The following NDST2 variants were observed in gnomAD, a reference collection of about 807,000 sequenced individuals.
NDST2 encodes N-deacetylase and N-sulfotransferase 2, also known as bifunctional heparan sulfate N-deacetylase/N-sulfotransferase 2.
In NDST2, 32 loss-of-function variants were observed where a neutral mutation model predicts 86.9. The ratio of observed to expected loss-of-function variants is 0.37; its 90% CI spans 0.28 to 0.49. The LOEUF is 0.49. Among genes scored for constraint, NDST2 ranks in the 20% least tolerant of loss-of-function variants. The pLI is 0.97. For synonymous variants in NDST2, 409 were observed against 437.0 expected, an observed-to-expected ratio of 0.94 and a Z score of 0.80; for missense variants, 950 against 1,146.9, an observed-to-expected ratio of 0.83 and a Z score of 2.48.
chr10:73,811,007 G>C (rs2084208472), intron 1 of NDST2, 104 bp from the exon 2 acceptor site: 1 of 396,264 alleles, frequency 2.5e-6, no homozygotes. Flanking sequence ...GTGTGTGCGG[G>C]AGATCTCTGA....
rs1030700076 is a variant in NDST2, at chr10:73,808,547, T to C, written c.-159A>G. 4.5e-6 allele frequency: 3 copies of C among 671,274 alleles called. No individual in the cohort carries two copies. The highest frequency in any genetic ancestry group is 7.3e-6 in the Non-Finnish European group (3 of 413,740). The allele number at this position is 671,274 out of a possible 1,614,324, so 41.6% of individuals were successfully genotyped here. On this transcript the variant is annotated 5_prime_UTR_variant, in exon 3 of 15. Transcript: ENST00000309979. The surrounding 1 kb of genome is among the most constrained non-coding windows in gnomAD (Gnocchi z 4.3). ...CTTTACGAGGTGGAGACGAGTCCCC[T>C]TAGCATAGGGTAGGGGAGGTAGAAG...
At chr10:73,803,424 G>C (rs2084039659) in intron 11 of NDST2, 65 bp from the exon 12 acceptor site, 1 of 1,592,326 alleles carries the variant, frequency 6.3e-7, no homozygotes, top group Admixed American at 1.7e-5. Context: ...CTTACGCTTG[G>C]TCTGGAGACA....
chr10:73,804,078 C>T (rs1318977932), intron 9 of NDST2, 62 bp from the exon 10 acceptor site: 1 of 1,497,830 alleles, frequency 6.7e-7, no homozygotes. Context: ...AGCTCAACAG[C>T]ATAAGCTTGA....
At position 73,803,274 on chromosome 10, in the gene NDST2, A is replaced by G; in HGVS notation, c.2228T>C (p.Leu743Pro). 1 of 1,614,200 alleles carries G rather than the reference A, an allele frequency of 6.2e-7. No homozygotes were observed. The highest frequency in any genetic ancestry group is 8.5e-7 in the Non-Finnish European group (1 of 1,180,014). Residue 743 changes from leucine (L) to proline (P), a missense_variant, in exon 12 of 15, where the codon CTA becomes CCA. Coordinates refer to ENST00000309979, the MANE Select transcript of NDST2 (RefSeq NM_003635.4). The stretch of plus-strand genomic sequence containing the variant: ...AAGACAGCGGTTCTGCAGGGAGCGT[A>G]GTGCCAGAGGGGTCTGGGAGGAGGC... Reference protein sequence around the residue: ...ISASSQTPLALRSLQNRCLVP... With the variant: ...ISASSQTPLAPRSLQNRCLVP...
chr10:73,807,513 G>T lies in NDST2; in HGVS notation c.876C>A (p.Ile292=). Reference sequence around the variant, plus strand: ...TGAGGTATGCAACAGCATCAACGAAGATAAGTTTGTGGAGCCAGAAGGAAA... The same window carrying T: ...TGAGGTATGCAACAGCATCAACGAATATAAGTTTGTGGAGCCAGAAGGAAA... ...HGLSFWLHKL[I]FVDAVAYLTG... The change falls in exon 3 of 15, where the codon ATC becomes ATA. Residue 292 remains isoleucine (I), a synonymous_variant. Coordinates refer to ENST00000309979, the MANE Select transcript of NDST2 (RefSeq NM_003635.4). 1 of 1,614,204 alleles carries T rather than the reference G, an allele frequency of 6.2e-7. No homozygotes were observed. Among genetic ancestry groups the T allele is most frequent in the Non-Finnish European group, 8.5e-7 (1 of 1,180,032 alleles).
rs755194639 is a variant in NDST2 at position 73,802,795 on chromosome 10, C to T, written c.2424-19G>A. The T allele has an allele frequency of 4.3e-5, 69 of 1,607,908 alleles. No homozygotes were observed. The highest frequency in any genetic ancestry group is 5.5e-5 in the Non-Finnish European group (65 of 1,174,588). ...ATCAAACCTGCTCAACAGGAAGAGG[C>T]CATGAGGTGGCAGGGAAAAGAGAAA... On this transcript the variant is annotated intron_variant, in intron 13 of 14. Coordinates refer to ENST00000309979, the MANE Select transcript of NDST2 (RefSeq NM_003635.4).
In NDST2 at chr10:73,805,767, G is replaced by C; in HGVS notation, c.1566C>G (p.Ile522Met). ...ELFLTVLLNP[I>M]SIFMTHLSNY... ...TGGACAGATGGGTCATAAAGATGCT[G>C]ATCTGTAAGGGGTACCTGCATGTCA... The change falls in exon 8 of 15, where the codon ATC becomes ATG. Residue 522 changes from isoleucine (I) to methionine (M), a missense_variant and splice_region_variant. By Grantham distance (10) the Ile-to-Met change is conservative. This residue lies in a region of NDST2 where 586 missense variants were observed against 714.0 expected (regional missense o/e 0.82). Transcript: ENST00000309979. 6.2e-7 allele frequency: 1 copy of C among 1,614,190 alleles called. No individual in the cohort carries two copies. The highest frequency in any genetic ancestry group is 1.1e-5 in the South Asian group (1 of 91,066).
At position 73,808,403 on chromosome 10, in the gene NDST2, G is replaced by A. The variant is rs1189465180; in HGVS notation, c.-15C>T. 6.4e-7 allele frequency: 1 copy of A among 1,574,566 alleles called. No homozygotes were observed. The highest frequency in any genetic ancestry group is 1.2e-5 in the South Asian group (1 of 85,532). On this transcript the variant is annotated 5_prime_UTR_variant, in exon 3 of 15. Transcript: ENST00000309979. This position sits in a 1 kb window ranked among gnomAD's most constrained non-coding sequence, Gnocchi z 4.3. ...AACTGGAGCATGGCGGGGGGAGGAA[G>A]GGAGGGAGGAATGGGGACCACCTCA...
At chr10:73,807,301 A>C (rs1392367890) in intron 3 of NDST2, 83 bp downstream of exon 3, 2 of 1,581,258 alleles carry the variant, frequency 1.3e-6, no homozygotes, top group East Asian at 4.5e-5. Context: ...TGTACCTATG[A>C]CAAGCTCAGA....
Position 73,805,900 on chromosome 10 carries a change from C to T in NDST2, c.1563G>A (p.Pro521=), listed in dbSNP as rs755039541. Residue 521 remains proline (P), a splice_region_variant and synonymous_variant, in exon 7 of 15, where the codon CCG becomes CCA. Coordinates refer to ENST00000309979, the MANE Select transcript of NDST2 (RefSeq NM_003635.4). The stretch of plus-strand genomic sequence containing the variant: ...CTAGCCGTTCCTCTCAGCACCTTAC[C>T]GGATTAAGCAGCACTGTCAGAAAGA... ...GELFLTVLLN[P]ISIFMTHLSN... is the part of the protein sequence containing the mutation. 11 of 1,614,064 alleles carry T rather than the reference C, an allele frequency of 6.8e-6. No individual in the cohort carries two copies. Among genetic ancestry groups the T allele is most frequent in the Non-Finnish European group, 9.3e-6 (11 of 1,180,038 alleles).
Position 73,803,587 on chromosome 10 carries a change from TA to T in NDST2, c.2128del (p.Tyr710ThrfsTer16). ...CTTCAGGCAGACCTGGTACCAGGAGTAGGCCCTGTCAGCAGGGTTGGTGAGC... is the reference window on the plus strand; with the variant it reads ...CTTCAGGCAGACCTGGTACCAGGAGTGGCCCTGTCAGCAGGGTTGGTGAGC... ...TVLTNPADRA[Y>X]SWYQHQRAHG... On this transcript the variant is annotated frameshift_variant, in exon 11 of 15. Coordinates refer to ENST00000309979, the MANE Select transcript of NDST2 (RefSeq NM_003635.4). LOFTEE classifies it high-confidence loss of function. 1 of 1,415,660 alleles carries T rather than the reference TA, an allele frequency of 7.1e-7. No individual in the cohort carries two copies. Among genetic ancestry groups the T allele is most frequent in the Non-Finnish European group, 9.4e-7 (1 of 1,060,148 alleles). 87.7% of individuals were successfully genotyped at this position (1,415,660 alleles called of 1,614,324 possible). A position where few individuals can be genotyped will look rare whatever the true frequency, so the allele number is the denominator to read the frequency against.
intron 9 of NDST2, 77 bp downstream of exon 9, chr10:73,804,696 G>A (rs895850301): frequency 7.5e-5 from 63 of 838,734 alleles, no homozygotes; most frequent in Admixed American, 1.2e-4. Context: ...ATTACCTGGA[G>A]AGAGAAGAGA....
Position 73,808,217 on chromosome 10 carries a change from C to T in NDST2, c.172G>A (p.Gly58Ser), listed in dbSNP as rs774706715. The T allele has an allele frequency of 5.5e-5, 89 of 1,612,860 alleles. No individual in the cohort carries two copies. Among genetic ancestry groups the T allele is most frequent in the Middle Eastern group, 3.3e-4 (2 of 6,082 alleles). ...GCAGGGCCAGGACCAGCTGCCCCAC[C>T]GCTGCTGCAGTCTCCCAAGGGCAGG... ...LPLPLGDCSS[G>S]GAAGPGPARP... The change falls in exon 3 of 15, where the codon GGT (glycine) becomes AGT (serine). Residue 58 changes from glycine to serine, a missense_variant. Transcript: ENST00000309979. This position sits in a 1 kb window ranked among gnomAD's most constrained non-coding sequence, Gnocchi z 4.3.
intron 2 of NDST2, among the ~76,000 whole-genome samples, chr10:73,809,905 A>T (rs2084166900): frequency 1.3e-5 from 2 of 151,914 alleles, no homozygotes; most frequent in South Asian, 4.2e-4. Context: ...ACTAATTTTT[A>T]ATTTTTTTTA....
chr10:73,805,463 G>A, intron 8 of NDST2, 124 bp downstream of exon 8: 1 of 920,322 alleles, frequency 1.1e-6, no homozygotes, highest in Non-Finnish European at 1.6e-6. Flanking sequence ...GCAATGAGCA[G>A]AGATTGTGCC....
intron 2 of NDST2, among the ~76,000 whole-genome samples, chr10:73,810,521 G>T (rs113565778): frequency 3.4e-4 from 51 of 152,232 alleles, no homozygotes; most frequent in Middle Eastern, 3.4e-3. Context: ...AAAACGACAC[G>T]AGAAGACAGC....
Position 73,806,827 on chromosome 10 carries a change from G to A in NDST2, c.1094-16C>T. 1 of 1,609,282 alleles carries A rather than the reference G, an allele frequency of 6.2e-7. No individual in the cohort carries two copies. Among genetic ancestry groups the A allele is most frequent in the Non-Finnish European group, 8.5e-7 (1 of 1,176,038 alleles). On this transcript the variant is annotated splice_polypyrimidine_tract_variant and intron_variant, in intron 4 of 14. Transcript: ENST00000309979. The surrounding 1 kb of genome is among the most constrained non-coding windows in gnomAD (Gnocchi z 4.5). ...TCCTCTGTCCCTATGACCACACGCT[G>A]ACCACTGACCACAGCCAGTCAGCCC...
rs1300881992 is a variant in NDST2, at chr10:73,808,401, AAGGG to A, written c.-17_-14del. ...ACAACTGGAGCATGGCGGGGGGAGG[AAGGG>A]AGGGAGGAATGGGGACCACCTCAGG... On this transcript the variant is annotated 5_prime_UTR_variant, in exon 3 of 15. Coordinates refer to ENST00000309979, the MANE Select transcript of NDST2 (RefSeq NM_003635.4). The surrounding 1 kb of genome is among the most constrained non-coding windows in gnomAD (Gnocchi z 4.3). 33 of 1,572,606 alleles carry A rather than the reference AAGGG, an allele frequency of 2.1e-5. No homozygotes were observed. The highest frequency in any genetic ancestry group is 2.7e-5 in the Non-Finnish European group (31 of 1,157,516).
Position 73,802,522 on chromosome 10 carries a change from G to GCTTC in NDST2, c.2577_2580dup (p.Leu861GlufsTer40). ...ACTGGCTGTCCAAGCCGGCTCAGCA[G>GCTTC]CTTCGACAACTCCAAATTATGGTTC... On this transcript the variant is annotated frameshift_variant, in exon 15 of 15. Coordinates refer to ENST00000309979, the MANE Select transcript of NDST2 (RefSeq NM_003635.4). LOFTEE classifies it high-confidence loss of function. 1 of 1,614,102 alleles carries GCTTC rather than the reference G, an allele frequency of 6.2e-7. No individual in the cohort carries two copies. The highest frequency in any genetic ancestry group is 2.2e-5 in the East Asian group (1 of 44,884).
Sources: allele counts gnomAD v4.1 joint callset (sites outside exome capture counted in the v4.1 genomes callset), GRCh38; gene constraint gnomAD v4.1.1; regional missense constraint gnomAD v4.1.1; non-coding constraint Gnocchi (gnomAD v3.1); transcripts MANE v1.5; gene names NCBI Gene and HGNC (gene_info 2026-07-23, HGNC 2026-07-21).